The following AFG1L variants were observed in gnomAD, a reference collection of about 807,000 sequenced individuals.
AFG1L encodes AFG1 like ATPase.
Under a neutral mutation model 62.2 loss-of-function variants are expected in AFG1L, and 53 were observed. The observed-to-expected ratio is 0.85, with a 90% CI of 0.68 to 1.07. The LOEUF (loss-of-function observed/expected upper bound fraction) is 1.07, where lower values mean the gene tolerates loss of function less well. Ranked by LOEUF, AFG1L falls within the 50% of genes least tolerant of loss-of-function variation. The pLI is 0.00. For synonymous variants in AFG1L, 228 were observed against 210.3 expected, an observed-to-expected ratio of 1.08 and a Z score of -0.73; for missense variants, 555 against 590.5, an observed-to-expected ratio of 0.94 and a Z score of 0.62.
chr6:108,449,291 C>G (rs1474373995), intron 8 of AFG1L, among the ~76,000 whole-genome samples: 1 of 151,380 alleles, frequency 6.6e-6, no homozygotes, highest in Non-Finnish European at 1.5e-5. Context: ...TTCATTTAAT[C>G]CTCAAGGAAG....
chr6:108,379,320 CTTCT>C (rs1780396160), intron 6 of AFG1L, among the ~76,000 whole-genome samples: 1 of 152,106 alleles, frequency 6.6e-6, no homozygotes, highest in African/African-American at 2.4e-5. Flanking sequence ...GCCCTATGTA[CTTCT>C]TTCAGCATGT....
intron 5 of AFG1L, chr6:108,359,530 C>G (rs370927246): frequency 6.6e-6 from 1 of 152,220 alleles, no homozygotes; most frequent in Admixed American, 6.5e-5. Flanking sequence ...TTGACTTATT[C>G]ATCTCAAGGA....
At chr6:108,502,601 A>G (rs1262888636) in intron 10 of AFG1L, among the ~76,000 whole-genome samples, 1 of 151,992 alleles carries the variant, frequency 6.6e-6, no homozygotes, top group Non-Finnish European at 1.5e-5. Flanking sequence ...CGGCCTCCCA[A>G]AGTGCTGGGA....
At chr6:108,448,151 A>G (rs1365644330) in intron 8 of AFG1L, among the ~76,000 whole-genome samples, 1 of 152,218 alleles carries the variant, frequency 6.6e-6, no homozygotes, top group Non-Finnish European at 1.5e-5. Flanking sequence ...TTAAAATTGC[A>G]TACTTTACAG....
rs529290280 is a variant in AFG1L, at chr6:108,316,969, C to T, written c.140-6856C>T. 5.0e-4 allele frequency among the ~76,000 whole-genome samples: 76 copies of T among 152,192 alleles called. 2 individuals carry two copies. Among genetic ancestry groups the T allele is most frequent in the South Asian group, 3.9e-3 (19 of 4,822 alleles). ...TATTAATTTTGAAATATACAATATA[C>T]AATTTTCTTTTAATTTCAAGAGGCT... On this transcript the variant is annotated intron_variant, in intron 1 of 12. Coordinates refer to ENST00000368977, the MANE Select transcript of AFG1L (RefSeq NM_145315.5).
In AFG1L at chr6:108,333,434, C is replaced by A. The variant is rs139492102; in HGVS notation, c.363+9386C>A. Among the ~76,000 whole-genome samples the A allele has an allele frequency of 2.7e-5, 4 of 150,586 alleles. No individual in the cohort carries two copies. In the East Asian group the frequency reaches 8.0e-4, roughly 30 times the overall value. ...AAAAAAAAAAAAATTGATTATGGAT[C>A]GCTCTCTAGAATACATAAAGAACCC... On this transcript the variant is annotated intron_variant, in intron 2 of 12. Coordinates refer to ENST00000368977, the MANE Select transcript of AFG1L (RefSeq NM_145315.5).
At chr6:108,360,008 A>G (rs1232592994) in intron 5 of AFG1L, 2 of 152,238 alleles carry the variant, frequency 1.3e-5, no homozygotes, top group African/African-American at 4.8e-5. Flanking sequence ...ACTGTGAGGA[A>G]ATGTCACTTT....
Position 108,312,545 on chromosome 6 carries a change from A to G in AFG1L, c.140-11280A>G, listed in dbSNP as rs543409810. 2.6e-4 allele frequency among the ~76,000 whole-genome samples: 39 copies of G among 152,162 alleles called. No individual in the cohort carries two copies. In the South Asian group the frequency reaches 8.1e-3, roughly 32 times the overall value. ...TGCACTCTAGCCTGGACGAAGAGAG[A>G]GACCTTGTCTCTAAAATAAAGTAAT... On this transcript the variant is annotated intron_variant, in intron 1 of 12. Transcript: ENST00000368977.
At chr6:108,300,558 A>C (rs1232476903) in intron 1 of AFG1L, among the ~76,000 whole-genome samples, 1 of 152,052 alleles carries the variant, frequency 6.6e-6, no homozygotes, top group African/African-American at 2.4e-5. Context: ...TCTCTTTTAC[A>C]TGTTACTTGC....
intron 2 of AFG1L, among the ~76,000 whole-genome samples, chr6:108,333,479 A>G (rs1443825138): frequency 2.6e-5 from 4 of 152,132 alleles, no homozygotes; most frequent in Non-Finnish European, 4.4e-5. Context: ...GCAATGGCTC[A>G]CGCCTGTAAT....
intron 3 of AFG1L, among the ~76,000 whole-genome samples, chr6:108,349,223 C>T (rs1778980996): frequency 6.6e-6 from 1 of 152,180 alleles, no homozygotes; most frequent in Non-Finnish European, 1.5e-5. Context: ...GTGGCTCATA[C>T]CTGTAATCCC....
intron 7 of AFG1L, among the ~76,000 whole-genome samples, chr6:108,419,674 A>T (rs1770499124): frequency 6.6e-6 from 1 of 152,182 alleles, no homozygotes; most frequent in Admixed American, 6.5e-5. Flanking sequence ...ATGTTCAGGT[A>T]ATGACATCAT....
intron 7 of AFG1L, among the ~76,000 whole-genome samples, chr6:108,408,214 G>A (rs1477664260): frequency 6.6e-6 from 1 of 151,352 alleles, no homozygotes; most frequent in Admixed American, 6.6e-5. Context: ...AACTTTGATA[G>A]GGTGAATGTA....
intron 10 of AFG1L, among the ~76,000 whole-genome samples, chr6:108,485,419 T>C (rs992543291): frequency 1.3e-5 from 2 of 151,550 alleles, no homozygotes; most frequent in African/African-American, 2.4e-5. Context: ...AAAAACTGTA[T>C]ACTTTCAATA....
At chr6:108,348,499 A>G (rs181202901) in intron 3 of AFG1L, among the ~76,000 whole-genome samples, 3 of 152,338 alleles carry the variant, frequency 2.0e-5, no homozygotes, top group Non-Finnish European at 4.4e-5. Flanking sequence ...GATTTAGCTA[A>G]TCTAATAAGA....
chr6:108,371,007 A>G (rs1030540650), intron 6 of AFG1L, among the ~76,000 whole-genome samples: 4 of 152,096 alleles, frequency 2.6e-5, no homozygotes, highest in African/African-American at 9.7e-5. Context: ...GTCATACTTG[A>G]GGCGGGTGGA....
At chr6:108,351,645 T>G (rs1319481645) in intron 3 of AFG1L, among the ~76,000 whole-genome samples, 1 of 152,248 alleles carries the variant, frequency 6.6e-6, no homozygotes, top group Admixed American at 6.5e-5. Context: ...TGTGTCAAAT[T>G]GTAGGGGAGA....
chr6:108,362,637 G>A (rs1284295719), intron 5 of AFG1L, among the ~76,000 whole-genome samples: 10 of 152,060 alleles, frequency 6.6e-5, no homozygotes, highest in East Asian at 1.9e-4. Flanking sequence ...TACTGCTTTC[G>A]TTGCATTGAT....
chr6:108,436,425 G>A (rs1771313367), intron 7 of AFG1L, among the ~76,000 whole-genome samples: 1 of 152,152 alleles, frequency 6.6e-6, no homozygotes, highest in Non-Finnish European at 1.5e-5. Context: ...TTACAGGTGT[G>A]AGCCACCGCA....
Sources: allele counts gnomAD v4.1 joint callset (sites outside exome capture counted in the v4.1 genomes callset), GRCh38; gene constraint gnomAD v4.1.1; transcripts MANE v1.5; gene names NCBI Gene and HGNC (gene_info 2026-07-23, HGNC 2026-07-21).